Variants in LRRC3B observed in about 807,000 individuals in gnomAD.
The protein encoded by LRRC3B is leucine-rich repeat-containing protein 3B.
LRRC3B carries 2 observed loss-of-function variants against 12.8 expected under a neutral mutation model. That is an observed-to-expected ratio of 0.16 (90% CI 0.06 to 0.49). The LOEUF (loss-of-function observed/expected upper bound fraction) is 0.49, where lower values mean the gene tolerates loss of function less well. Ranked by LOEUF, LRRC3B falls within the 20% of genes least tolerant of loss-of-function variation. The probability of loss-of-function intolerance (pLI) is 0.96; values close to 1 mark genes in which losing one functional copy is unlikely to be tolerated. For missense variants in LRRC3B, 189 were observed against 319.4 expected (o/e 0.59, Z 3.11); for synonymous variants, 132 against 122.0 (o/e 1.08, Z -0.54).
chr3:26,710,537 T>C, exon 2 of LRRC3B: 1 of 1,339,958 alleles, frequency 7.5e-7, no homozygotes, highest in East Asian at 2.4e-5. Flanking sequence ...CCATCCATTG[T>C]AAACATTTGA....
intron 1 of LRRC3B, among the ~76,000 whole-genome samples, chr3:26,647,046 T>G (rs1168916696): frequency 6.6e-6 from 1 of 152,178 alleles, no homozygotes; most frequent in Non-Finnish European, 1.5e-5. Flanking sequence ...ACAGCCATAC[T>G]GGCCTTCCTT....
At chr3:26,666,411 A>G (rs1699604485) in intron 1 of LRRC3B, among the ~76,000 whole-genome samples, 1 of 148,966 alleles carries the variant, frequency 6.7e-6, no homozygotes. Flanking sequence ...AAAATGTTAA[A>G]GATTGGGGGG....
intron 1 of LRRC3B, among the ~76,000 whole-genome samples, chr3:26,668,269 C>G (rs972774764): frequency 2.6e-5 from 4 of 151,962 alleles, no homozygotes; most frequent in Non-Finnish European, 5.9e-5. Flanking sequence ...AGCAAGAAAG[C>G]TATGAGGGGC....
In LRRC3B at chr3:26,643,255, A is replaced by AGTGT. The variant is rs76915536; in HGVS notation, c.-161+20037_-161+20040dup. On this transcript the variant is annotated intron_variant, in intron 1 of 1. Coordinates refer to ENST00000396641, the Ensembl canonical transcript of LRRC3B. ...GGTTTTGTATACACACATATGTGTG[A>AGTGT]GTGTGTGTGTGTGTGTGTGTGTATA... 1.3e-3 allele frequency among the ~76,000 whole-genome samples: 184 copies of AGTGT among 136,930 alleles called. 2 individuals are homozygous for AGTGT. In the East Asian group the frequency reaches 0.025, roughly 18 times the overall value. 89.8% of individuals were successfully genotyped at this position (136,930 alleles called of 152,430 possible).
chr3:26,633,905 AG>A (rs1456263811), intron 1 of LRRC3B, among the ~76,000 whole-genome samples: 1 of 152,222 alleles, frequency 6.6e-6, no homozygotes, highest in East Asian at 1.9e-4. Context: ...TTTTCCAAAA[AG>A]TGTCAGAAAT....
intron 1 of LRRC3B, among the ~76,000 whole-genome samples, chr3:26,632,073 C>A (rs78529330): frequency 0.012 from 1,809 of 152,264 alleles, 33 homozygotes; most frequent in African/African-American, 0.04. Flanking sequence ...ACATCTGGAG[C>A]ACTTCTGGGA....
intron 1 of LRRC3B, among the ~76,000 whole-genome samples, chr3:26,662,422 T>G (rs1699510945): frequency 6.6e-6 from 1 of 152,146 alleles, no homozygotes; most frequent in Non-Finnish European, 1.5e-5. Context: ...CTCTGTTCCC[T>G]TAAAGTGCCC....
intron 1 of LRRC3B, among the ~76,000 whole-genome samples, chr3:26,691,935 G>A (rs185390936): frequency 9.4e-4 from 143 of 152,206 alleles, no homozygotes; most frequent in African/African-American, 2.4e-3. Flanking sequence ...TTTTTGCTTC[G>A]TTTGTAGTTG....
At chr3:26,644,217 A>C (rs1699094813) in intron 1 of LRRC3B, among the ~76,000 whole-genome samples, 1 of 152,254 alleles carries the variant, frequency 6.6e-6, no homozygotes, top group East Asian at 1.9e-4. Flanking sequence ...GAAATCTTGA[A>C]GGTAGTATTC....
At chr3:26,653,365 A>T (rs962189399) in intron 1 of LRRC3B, among the ~76,000 whole-genome samples, 4 of 152,158 alleles carry the variant, frequency 2.6e-5, no homozygotes, top group African/African-American at 9.6e-5. Context: ...TTTTACAGAC[A>T]GGAACAAAGA....
intron 1 of LRRC3B, among the ~76,000 whole-genome samples, chr3:26,689,376 A>T (rs1361496699): frequency 1.3e-5 from 2 of 152,142 alleles, no homozygotes; most frequent in African/African-American, 4.8e-5. Flanking sequence ...GGACACCAGG[A>T]CCAGTCCTGA....
intron 1 of LRRC3B, among the ~76,000 whole-genome samples, chr3:26,685,515 CTCTCTCTCTATATATA>C (rs1163681918): frequency 4.6e-4 from 25 of 53,778 alleles, no homozygotes; most frequent in East Asian, 2.5e-3. Context: ...CTCTCTCTCT[CTCTCTCTCTATATATA>C]TATATATATA....
rs553775038 is a variant in LRRC3B at position 26,638,992 on chromosome 3, T to C, written c.-161+15755T>C. On this transcript the variant is annotated intron_variant, in intron 1 of 1. Coordinates refer to ENST00000396641, the Ensembl canonical transcript of LRRC3B. ...AGGTAGGGATGAGATTCAGAAAGGA[T>C]TGCATTTCCAAAATGATAACATCCT... 3.3e-4 allele frequency among the ~76,000 whole-genome samples: 50 copies of C among 152,276 alleles called. 1 individual carries two copies. The highest frequency in any genetic ancestry group is 1.1e-3 in the African/African-American group (45 of 41,556).
At chr3:26,708,112 G>T (rs1420144317) in intron 1 of LRRC3B, among the ~76,000 whole-genome samples, 3 of 152,134 alleles carry the variant, frequency 2.0e-5, no homozygotes, top group Non-Finnish European at 2.9e-5. Context: ...ATCCATCTGG[G>T]ATCTTCATAA....
intron 1 of LRRC3B, among the ~76,000 whole-genome samples, chr3:26,675,699 G>A (rs1699843356): frequency 6.6e-6 from 1 of 152,092 alleles, no homozygotes. Flanking sequence ...TGGCAAACAG[G>A]TATCAATTAA....
rs1195473054 is a variant in LRRC3B, at chr3:26,671,373, TAG to T, written c.-160-38100_-160-38099del. Reference sequence around the variant, plus strand: ...GTGTATATATATATATATATATATATAGAGAGAGAGAGAGAGAGAGAGAGAGA... The same window carrying T: ...GTGTATATATATATATATATATATATAGAGAGAGAGAGAGAGAGAGAGAGA... On this transcript the variant is annotated intron_variant, in intron 1 of 1. Transcript: ENST00000396641. 1.0e-2 allele frequency among the ~76,000 whole-genome samples: 281 copies of T among 28,226 alleles called. 3 individuals carry two copies. The highest frequency in any genetic ancestry group is 0.012 in the Non-Finnish European group (198 of 16,762). The allele number at this position is 28,226 out of a possible 152,430, so 18.5% of individuals were successfully genotyped here. A position where few individuals can be genotyped will look rare whatever the true frequency, so the allele number is the denominator to read the frequency against.
At chr3:26,676,507 A>C (rs548003746) in intron 1 of LRRC3B, among the ~76,000 whole-genome samples, 2 of 152,274 alleles carry the variant, frequency 1.3e-5, no homozygotes, top group South Asian at 4.1e-4. Flanking sequence ...ATCACTGGCC[A>C]TCAGAGAAAT....
intron 1 of LRRC3B, among the ~76,000 whole-genome samples, chr3:26,641,763 A>G (rs1699036012): frequency 6.6e-6 from 1 of 152,112 alleles, no homozygotes; most frequent in Non-Finnish European, 1.5e-5. Context: ...CTTTAAAAAA[A>G]TTAATAAATT....
At chr3:26,675,408 C>CAACT (rs970671201) in intron 1 of LRRC3B, among the ~76,000 whole-genome samples, 1 of 152,204 alleles carries the variant, frequency 6.6e-6, no homozygotes, top group African/African-American at 2.4e-5. Flanking sequence ...CACACTGTGC[C>CAACT]AACTACCCAC....
Sources: allele counts gnomAD v4.1 joint callset (sites outside exome capture counted in the v4.1 genomes callset), GRCh38; gene constraint gnomAD v4.1.1; transcripts MANE v1.5; gene names NCBI Gene and HGNC (gene_info 2026-07-23, HGNC 2026-07-21).